PCDHGA9: variants seen among roughly 807,000 people sequenced by gnomAD.
PCDHGA9 encodes protocadherin gamma subfamily A, 9.
PCDHGA9 carries 37 observed loss-of-function variants against 62.5 expected under a neutral mutation model. The observed-to-expected ratio is 0.59, with a 90% CI of 0.46 to 0.78. PCDHGA9 has a LOEUF of 0.78. PCDHGA9 is among the 30% of genes least tolerant of loss of function. PCDHGA9 has a pLI of 0.00. For missense variants in PCDHGA9, 1,138 were observed against 1,166.2 expected (o/e 0.98, Z 0.35); for synonymous variants, 459 against 484.6 (o/e 0.95, Z 0.69).
chr5:141,435,890 A>G (rs2097784923), intron 1 of PCDHGA9, among the ~76,000 whole-genome samples: 1 of 152,176 alleles, frequency 6.6e-6, no homozygotes, highest in Non-Finnish European at 1.5e-5. Context: ...AACCCCTTAG[A>G]GAATGAAAGA....
Position 141,485,778 on chromosome 5 carries a change from G to C in PCDHGA9, c.2425-9029G>C. 1 of 1,614,216 alleles carries C rather than the reference G, an allele frequency of 6.2e-7. No homozygotes were observed. Among genetic ancestry groups the C allele is most frequent in the Non-Finnish European group, 8.5e-7 (1 of 1,180,048 alleles). On this transcript the variant is annotated intron_variant, in intron 1 of 3. Transcript: ENST00000573521. The surrounding 1 kb of genome is among the most constrained non-coding windows in gnomAD (Gnocchi z 5.7). ...CTGCTCCTGGAGAAGCCTTTGGATCGAGAGAAGCAATCGGACTACCGCCTG... is the reference window on the plus strand; with the variant it reads ...CTGCTCCTGGAGAAGCCTTTGGATCCAGAGAAGCAATCGGACTACCGCCTG...
chr5:141,421,426 A>G, intron 1 of PCDHGA9: 2 of 1,614,104 alleles, frequency 1.2e-6, no homozygotes, highest in South Asian at 1.1e-5. Context: ...CGGAGTCCGC[A>G]TCGTCTCCAG....
At position 141,490,785 on chromosome 5, in the gene PCDHGA9, G is replaced by A. The variant is rs1021708826; in HGVS notation, c.2425-4022G>A. 1.2e-6 allele frequency: 2 copies of A among 1,614,066 alleles called. No individual in the cohort carries two copies. Among genetic ancestry groups the A allele is most frequent in the Non-Finnish European group, 1.7e-6 (2 of 1,179,952 alleles). On this transcript the variant is annotated intron_variant, in intron 1 of 3. Coordinates refer to ENST00000573521, the MANE Select transcript of PCDHGA9 (RefSeq NM_018921.3). The surrounding 1 kb of genome is among the most constrained non-coding windows in gnomAD (Gnocchi z 5.4). ...TGTATGTCAACCCAGAGGATGGACG[G>A]ATCTTTGCCCAGCGTACCTTTGACT...
chr5:141,414,000 A>T (rs759228883), intron 1 of PCDHGA9: 2 of 1,613,282 alleles, frequency 1.2e-6, no homozygotes, highest in African/African-American at 2.7e-5. Flanking sequence ...ACAGGGACGA[A>T]GGTGCCAATG....
chr5:141,423,603 C>G, intron 1 of PCDHGA9: 1 of 1,612,584 alleles, frequency 6.2e-7, no homozygotes. Flanking sequence ...GCGAGCCACT[C>G]TTGATAGCTG....
At chr5:141,478,766 T>C in intron 1 of PCDHGA9, 2 of 1,505,456 alleles carry the variant, frequency 1.3e-6, no homozygotes, top group Non-Finnish European at 1.8e-6. Flanking sequence ...GATACTTGAC[T>C]CATCTGTGGA....
At chr5:141,439,668 A>C (rs944454917) in intron 1 of PCDHGA9, among the ~76,000 whole-genome samples, 1 of 152,230 alleles carries the variant, frequency 6.6e-6, no homozygotes, top group Non-Finnish European at 1.5e-5. Context: ...CATGGAATGC[A>C]AATCCAAGAG....
intron 1 of PCDHGA9, chr5:141,423,241 G>C: frequency 6.2e-7 from 1 of 1,613,954 alleles, no homozygotes; most frequent in Non-Finnish European, 8.5e-7. Context: ...CATCCCCGAA[G>C]TCCTGGCGGA....
intron 1 of PCDHGA9, among the ~76,000 whole-genome samples, chr5:141,465,360 C>T (rs1238387777): frequency 6.6e-6 from 1 of 151,940 alleles, no homozygotes; most frequent in Non-Finnish European, 1.5e-5. Context: ...AAAATGGGTG[C>T]CCTTTAAAGT....
At chr5:141,418,974 G>A in intron 1 of PCDHGA9, 2 of 1,613,936 alleles carry the variant, frequency 1.2e-6, no homozygotes, top group Non-Finnish European at 1.7e-6. Context: ...TTCAAAACAC[G>A]GGACCAAGAC....
rs180741728 is a variant in PCDHGA9 at position 141,505,088 on chromosome 5, G to A, written c.2484-305G>A. Among the ~76,000 whole-genome samples the A allele has an allele frequency of 3.7e-3, 563 of 152,300 alleles. 5 individuals carry two copies. Among genetic ancestry groups the A allele is most frequent in the Admixed American group, 0.011 (163 of 15,294 alleles). On this transcript the variant is annotated intron_variant, in intron 2 of 3. Coordinates refer to ENST00000573521, the MANE Select transcript of PCDHGA9 (RefSeq NM_018921.3). ...GAGGCAGGAGAATCGCTTGAACCCA[G>A]GAGGTGGATGTTGCAATGAGCCAAG...
At chr5:141,478,493 G>A in intron 1 of PCDHGA9, 1 of 1,613,176 alleles carries the variant, frequency 6.2e-7, no homozygotes, top group Non-Finnish European at 8.5e-7. Flanking sequence ...GCGGAGCTGT[G>A]ATCCGGTGTT....
At chr5:141,488,578 G>A (rs1286219713) in intron 1 of PCDHGA9, among the ~76,000 whole-genome samples, 2 of 152,178 alleles carry the variant, frequency 1.3e-5, no homozygotes, top group Non-Finnish European at 2.9e-5. Flanking sequence ...AGCATTGCTG[G>A]AGAGTCAGGG....
At position 141,511,349 on chromosome 5, in the gene PCDHGA9, C is replaced by CG; in HGVS notation, c.*176_*177insG. On this transcript the variant is annotated 3_prime_UTR_variant, in exon 4 of 4. Coordinates refer to ENST00000573521, the MANE Select transcript of PCDHGA9 (RefSeq NM_018921.3). The stretch of plus-strand genomic sequence containing the variant: ...GCCCAGTCAGCACCTACCCCTTCCC[C>CG]CCCAGGGGGTTGAATATGCAAAAGC... 7.1e-7 allele frequency: 1 copy of CG among 1,401,498 alleles called. No homozygotes were observed. Among genetic ancestry groups the CG allele is most frequent in the African/African-American group, 1.5e-5 (1 of 68,948 alleles). 86.8% of individuals were successfully genotyped at this position (1,401,498 alleles called of 1,614,324 possible).
chr5:141,408,430 C>T, intron 1 of PCDHGA9: 2 of 1,614,012 alleles, frequency 1.2e-6, no homozygotes, highest in South Asian at 1.1e-5. Context: ...TGCACTTCAG[C>T]GTAGACGCGG....
chr5:141,438,641 C>CAT (rs2098042490), intron 1 of PCDHGA9, among the ~76,000 whole-genome samples: 2 of 79,354 alleles, frequency 2.5e-5, no homozygotes, highest in Non-Finnish European at 4.5e-5. Context: ...TATATACACA[C>CAT]ACACACACAC....
chr5:141,492,164 C>T (rs1180358388), intron 1 of PCDHGA9, among the ~76,000 whole-genome samples: 2 of 152,230 alleles, frequency 1.3e-5, no homozygotes, highest in East Asian at 1.9e-4. Context: ...CTCCCTATCC[C>T]CGCATCACCC....
Position 141,489,316 on chromosome 5 carries a change from T to C in PCDHGA9, c.2425-5491T>C, listed in dbSNP as rs2099685399. On this transcript the variant is annotated intron_variant, in intron 1 of 3. Transcript: ENST00000573521. This position sits in a 1 kb window ranked among gnomAD's most constrained non-coding sequence, Gnocchi z 4.5. The stretch of plus-strand genomic sequence containing the variant: ...CATGTTGTCCTTGTGCTGCTGGGGC[T>C]GGGTGTCTGGGCAGCTTCGTTACTC... The C allele has an allele frequency of 1.3e-6, 2 of 1,597,946 alleles. No individual in the cohort carries two copies. Among genetic ancestry groups the C allele is most frequent in the Admixed American group, 1.7e-5 (1 of 58,864 alleles).
intron 1 of PCDHGA9, chr5:141,419,863 G>T (rs1416582920): frequency 6.2e-7 from 1 of 1,614,108 alleles, no homozygotes; most frequent in Non-Finnish European, 8.5e-7. Flanking sequence ...CAGATAGCTT[G>T]CAAGAGGTAC....
Sources: gnomAD v4.1 joint callset for allele counts (sites outside exome capture counted in the v4.1 genomes callset) on GRCh38, gnomAD v4.1.1 for gene constraint, Gnocchi (gnomAD v3.1) non-coding constraint, MANE v1.5 for transcripts, NCBI Gene and HGNC (gene_info 2026-07-23, HGNC 2026-07-21) for gene names.